MEI1: variants seen among roughly 807,000 people sequenced by gnomAD.
The protein encoded by MEI1 is meiotic double-stranded break formation protein 1, also known as meiosis inhibitor protein 1.
In MEI1, 103 loss-of-function variants were observed where a neutral mutation model predicts 146.2. The observed-to-expected ratio is 0.70, with a 90% CI of 0.60 to 0.83. The LOEUF (loss-of-function observed/expected upper bound fraction) is 0.83, where lower values mean the gene tolerates loss of function less well. MEI1 is among the 40% of genes least tolerant of loss of function. The pLI is 0.00. For synonymous variants in MEI1, 652 were observed against 628.2 expected (o/e 1.04, Z -0.57); for missense variants, 1,529 against 1,533.0 (o/e 1.00, Z 0.04).
Position 41,716,084 on chromosome 22 carries a change from C to T in MEI1, c.467C>T (p.Thr156Ile), listed in dbSNP as rs2070121535. ...ATGCGAGGCAGCCTGGCCACCCTGA[C>T]CCTTCTTGGCAAGTTGGTGGATGCC... is the stretch of plus-strand genomic sequence containing the variant. ...PSMRGSLATL[T>I]LLGKLVDAIP... is the part of the protein sequence containing the mutation. The change falls in exon 5 of 31, where the codon ACC becomes ATC. Residue 156 changes from threonine to isoleucine, a missense_variant. Thr to Ile is a moderately conservative substitution (Grantham distance 89). Coordinates refer to ENST00000401548, the MANE Select transcript of MEI1 (RefSeq NM_152513.4). The T allele has an allele frequency of 3.1e-6, 5 of 1,611,952 alleles. No homozygotes were observed. Among genetic ancestry groups the T allele is most frequent in the South Asian group, 1.1e-5 (1 of 90,400 alleles).
chr22:41,723,652 C>A (rs760218276), intron 6 of MEI1, among the ~76,000 whole-genome samples: 4 of 152,134 alleles, frequency 2.6e-5, no homozygotes, highest in Non-Finnish European at 5.9e-5. Context: ...AAAAAACTCA[C>A]ATTATTCCTG....
At chr22:41,770,221 A>T (rs1325908464) in intron 19 of MEI1, among the ~76,000 whole-genome samples, 1 of 152,034 alleles carries the variant, frequency 6.6e-6, no homozygotes, top group African/African-American at 2.4e-5. Flanking sequence ...TTAATCTGCC[A>T]CAGTCCCTAC....
chr22:41,703,399 G>T lies in MEI1; in HGVS notation c.243G>T (p.Thr81=), dbSNP rs762678059. ...TTGTGAGGCATACCTCCCTGGTCACGCAACTGGTGTCTCAGGATCAGAGAG... is the reference window on the plus strand; with the variant it reads ...TTGTGAGGCATACCTCCCTGGTCACTCAACTGGTGTCTCAGGATCAGAGAG... ...DALVRHTSLV[T]QLVSQDQRVC... The change falls in exon 2 of 31, where the codon ACG becomes ACT. Residue 81 remains threonine, a synonymous_variant. Transcript: ENST00000401548. 8.7e-6 allele frequency: 14 copies of T among 1,609,540 alleles called. No homozygotes were observed. The highest frequency in any genetic ancestry group is 1.2e-5 in the Non-Finnish European group (14 of 1,177,906).
intron 7 of MEI1, among the ~76,000 whole-genome samples, chr22:41,726,754 A>G (rs1444263497): frequency 6.7e-6 from 1 of 148,694 alleles, no homozygotes; most frequent in African/African-American, 2.4e-5. Flanking sequence ...CTTTTATAAA[A>G]GAGAACAAGA....
chr22:41,778,737 C>T lies in MEI1; in HGVS notation c.2740C>T (p.Leu914Phe). The change falls in exon 22 of 31, where the codon CTC becomes TTC. Residue 914 changes from leucine to phenylalanine, a missense_variant. This residue lies in a region of MEI1 where 1,212 missense variants were observed against 1,178.9 expected (regional missense o/e 1.03). Coordinates refer to ENST00000401548, the MANE Select transcript of MEI1 (RefSeq NM_152513.4). Reference sequence around the variant, plus strand: ...GGGGAACCTACCATTGCTGCTGAGCCTCCTCTCCCTGATGCAGCTCAGGAA... The same window carrying T: ...GGGGAACCTACCATTGCTGCTGAGCTTCCTCTCCCTGATGCAGCTCAGGAA... ...ASGNLPLLLS[L>F]LSLMQLRNVS... is the part of the protein sequence containing the mutation. The T allele has an allele frequency of 6.2e-7, 1 of 1,608,264 alleles. No homozygotes were observed. The highest frequency in any genetic ancestry group is 8.5e-7 in the Non-Finnish European group (1 of 1,177,460).
intron 19 of MEI1, among the ~76,000 whole-genome samples, chr22:41,766,931 G>A (rs542346361): frequency 6.6e-6 from 1 of 152,286 alleles, no homozygotes; most frequent in South Asian, 2.1e-4. Flanking sequence ...GAAGGGAGGT[G>A]AAAGAGTTTA....
chr22:41,740,100 A>G (rs1296373456), intron 11 of MEI1, among the ~76,000 whole-genome samples: 1 of 151,166 alleles, frequency 6.6e-6, no homozygotes, highest in Non-Finnish European at 1.5e-5. Context: ...GTTCACCACA[A>G]CCTCCACCTC....
chr22:41,765,404 G>A lies in MEI1; in HGVS notation c.2268+2083G>A, dbSNP rs138331477. Among the ~76,000 whole-genome samples, 312 of 152,240 alleles carry A rather than the reference G, an allele frequency of 2.0e-3. 3 individuals carry two copies. Among genetic ancestry groups the A allele is most frequent in the Middle Eastern group, 0.017 (5 of 294 alleles). Reference sequence around the variant, plus strand: ...GCTGAGGTGGGAGGATTACTTGAGCGCAAGAGGTCGAGGCTGCAGTGAGCC... The same window carrying A: ...GCTGAGGTGGGAGGATTACTTGAGCACAAGAGGTCGAGGCTGCAGTGAGCC... On this transcript the variant is annotated intron_variant, in intron 19 of 30. Transcript: ENST00000401548.
chr22:41,778,676 G>T (rs1480467153), intron 21 of MEI1, 32 bp from the exon 22 acceptor site: 13 of 1,531,526 alleles, frequency 8.5e-6, no homozygotes, highest in Non-Finnish European at 1.2e-5. Context: ...TGAGCATCAG[G>T]CTTCTTGCCC....
chr22:41,799,030 G>C lies in MEI1; in HGVS notation c.3780-224G>C, dbSNP rs868469847. 2.6e-5 allele frequency among the ~76,000 whole-genome samples: 4 copies of C among 152,164 alleles called. No individual in the cohort carries two copies. In the South Asian group the frequency reaches 8.3e-4, roughly 31 times the overall value. On this transcript the variant is annotated intron_variant, in intron 30 of 30. Transcript: ENST00000401548. ...TTGCTTCCTCTGCACCCCTCTGGCT[G>C]CCTCCCTGGCTCTCTTCCTTGCCCC...
At chr22:41,759,425 C>T (rs1405407977) in intron 18 of MEI1, 4 of 152,940 alleles carry the variant, frequency 2.6e-5, no homozygotes, top group South Asian at 4.0e-4. Context: ...GTCAGGAGAT[C>T]GAGACCATCA....
chr22:41,771,010 C>G (rs1421416602), intron 20 of MEI1, 49 bp downstream of exon 20: 7 of 1,584,010 alleles, frequency 4.4e-6, no homozygotes, highest in Non-Finnish European at 5.1e-6. Context: ...TGGGCCTTCT[C>G]TCTCTGAGAG....
At chr22:41,743,724 A>G (rs2073067704) in intron 12 of MEI1, among the ~76,000 whole-genome samples, 1 of 152,142 alleles carries the variant, frequency 6.6e-6, no homozygotes, top group Non-Finnish European at 1.5e-5. Flanking sequence ...CACCTGATGG[A>G]GTGGGGATTT....
intron 21 of MEI1, among the ~76,000 whole-genome samples, chr22:41,778,167 G>T (rs1392853737): frequency 6.6e-6 from 1 of 152,120 alleles, no homozygotes. Flanking sequence ...TTCTTACTGT[G>T]TCCTCACATG....
In MEI1 at chr22:41,712,878, G is replaced by A. The variant is rs532535015; in HGVS notation, c.350-1124G>A. On this transcript the variant is annotated intron_variant, in intron 3 of 30. Transcript: ENST00000401548. ...GGCTGGAGTGCAGTGGCGTGATCTC[G>A]GCTCACTACAAACTCCACCTCCCAG... Among the ~76,000 whole-genome samples the A allele has an allele frequency of 3.4e-5, 5 of 147,124 alleles. No homozygotes were observed. The East Asian group carries it at 1.0e-3, about 29-fold the overall frequency.
intron 20 of MEI1, 122 bp downstream of exon 20, chr22:41,771,083 T>C (rs545307029): frequency 4.2e-4 from 458 of 1,090,724 alleles, no homozygotes; most frequent in African/African-American, 3.4e-3. Context: ...CTTATCACTG[T>C]CTGCATGTGA....
intron 3 of MEI1, among the ~76,000 whole-genome samples, chr22:41,710,508 G>C (rs1245615225): frequency 6.6e-6 from 1 of 152,162 alleles, no homozygotes; most frequent in East Asian, 1.9e-4. Context: ...ATACCACATG[G>C]AAGATAGAAC....
rs1022692834 is a variant in MEI1 at position 41,778,802 on chromosome 22, C to G, written c.2805C>G (p.Leu935=). The change falls in exon 22 of 31, where the codon CTC becomes CTG. Residue 935 remains leucine (L), a synonymous_variant. Coordinates refer to ENST00000401548, the MANE Select transcript of MEI1 (RefSeq NM_152513.4). ...EQELDSVAMK[L]LHQVSKLCGK... is the part of the protein sequence containing the mutation. Reference sequence around the variant, plus strand: ...AACTGGACAGCGTGGCCATGAAGCTCCTTCACCAAGGTGCCCTGGCTGCTT... The same window carrying G: ...AACTGGACAGCGTGGCCATGAAGCTGCTTCACCAAGGTGCCCTGGCTGCTT... 2 of 1,602,802 alleles carry G rather than the reference C, an allele frequency of 1.2e-6. No individual in the cohort carries two copies. The highest frequency in any genetic ancestry group is 2.7e-5 in the African/African-American group (2 of 74,784).
In MEI1 at chr22:41,730,551, G is replaced by A. The variant is rs2071764454; in HGVS notation, c.1010G>A (p.Ser337Asn). ...EFLFEHLSSS[S>N]EVLVWSSCNC... ...CTCTTTGAGCATCTTTCTTCTTCCA[G>A]TGAAGTGCTCGTCTGGTCCAGCTGT... The change falls in exon 9 of 31, where the codon AGT becomes AAT. Residue 337 changes from serine (S) to asparagine (N), a missense_variant. Around this residue, in one of 3 missense-constraint regions of MEI1, gnomAD observed 1,212 missense variants for 1,178.9 expected, o/e 1.03. Coordinates refer to ENST00000401548, the MANE Select transcript of MEI1 (RefSeq NM_152513.4). 3 of 1,613,786 alleles carry A rather than the reference G, an allele frequency of 1.9e-6. No homozygotes were observed. Among genetic ancestry groups the A allele is most frequent in the East Asian group, 4.5e-5 (2 of 44,874 alleles).
Sources: gnomAD v4.1 joint callset for allele counts (sites outside exome capture counted in the v4.1 genomes callset) on GRCh38, gnomAD v4.1.1 for gene constraint, gnomAD v4.1.1 regional missense constraint, MANE v1.5 for transcripts, NCBI Gene and HGNC (gene_info 2026-07-23, HGNC 2026-07-21) for gene names.